MAML2: variants seen among roughly 807,000 people sequenced by gnomAD.
The protein encoded by MAML2 is mastermind like transcriptional coactivator 2, also known as mastermind-like protein 2.
A neutral mutation model predicts 96.1 loss-of-function variants in MAML2; 22 were observed. The ratio of observed to expected loss-of-function variants is 0.23; its 90% CI spans 0.16 to 0.33. The LOEUF (loss-of-function observed/expected upper bound fraction) is 0.33, where lower values mean the gene tolerates loss of function less well. Ranked by LOEUF, MAML2 falls within the 10% of genes least tolerant of loss-of-function variation. The pLI is 1.00. For synonymous variants in MAML2, 561 were observed against 521.3 expected (o/e 1.08, Z -1.04); for missense variants, 1,367 against 1,392.4 (o/e 0.98, Z 0.29).
Position 96,091,926 on chromosome 11 carries a change from C to T in MAML2, c.2105G>A (p.Gly702Glu). ...TTGTTGGGAGACTTGGTATCCCATT[C>T]CTGCAATGGGCTGATTCTGCATTTG... ...LQQMQNQPIA[G>E]MGYQVSQQQR... is the part of the protein sequence containing the mutation. The change falls in exon 2 of 5, where the codon GGA becomes GAA. Residue 702 changes from glycine to glutamate, a missense_variant. By Grantham distance (98) the Gly-to-Glu change is moderately conservative. Transcript: ENST00000524717. 6.2e-7 allele frequency: 1 copy of T among 1,613,302 alleles called. No homozygotes were observed.
chr11:96,297,593 CA>C (rs1591119995), intron 1 of MAML2, among the ~76,000 whole-genome samples: 1 of 151,826 alleles, frequency 6.6e-6, no homozygotes, highest in African/African-American at 2.4e-5. Flanking sequence ...AAAACAAAAA[CA>C]AAAAAACAGC....
At position 96,202,350 on chromosome 11, in the gene MAML2, CAA is replaced by C. The variant is rs3995542; in HGVS notation, c.514-108835_514-108834del. The stretch of plus-strand genomic sequence containing the variant: ...TGGGTGACAGAGCAAGACTCCATCT[CAA>C]AAAAAAAAAAAAAAAATTGATTATG... On this transcript the variant is annotated intron_variant, in intron 1 of 4. Transcript: ENST00000524717. Among the ~76,000 whole-genome samples, 89 of 107,512 alleles carry C rather than the reference CAA, an allele frequency of 8.3e-4. 1 individual carries two copies. Among genetic ancestry groups the C allele is most frequent in the Admixed American group, 2.8e-3 (27 of 9,610 alleles). 70.5% of individuals were successfully genotyped at this position (107,512 alleles called of 152,430 possible).
chr11:96,170,049 A>C (rs1336152858), intron 1 of MAML2, among the ~76,000 whole-genome samples: 2 of 152,204 alleles, frequency 1.3e-5, no homozygotes, highest in Non-Finnish European at 2.9e-5. Context: ...CCACAACAAA[A>C]ATGCCTTCTG....
At chr11:96,005,533 CA>C (rs1858166083) in intron 2 of MAML2, among the ~76,000 whole-genome samples, 1 of 152,060 alleles carries the variant, frequency 6.6e-6, no homozygotes, top group African/African-American at 2.4e-5. Context: ...TACAAACTAT[CA>C]ACAAGAGATG....
At chr11:96,309,903 A>T (rs1267059501) in intron 1 of MAML2, among the ~76,000 whole-genome samples, 1 of 151,848 alleles carries the variant, frequency 6.6e-6, no homozygotes, top group Non-Finnish European at 1.5e-5. Context: ...GGTTTTTGCC[A>T]TGTTGACTAG....
At chr11:96,127,062 C>T (rs1860451907) in intron 1 of MAML2, among the ~76,000 whole-genome samples, 1 of 152,132 alleles carries the variant, frequency 6.6e-6, no homozygotes, top group Non-Finnish European at 1.5e-5. Context: ...AAACCACACC[C>T]ACTGTTTCTT....
intron 1 of MAML2, among the ~76,000 whole-genome samples, chr11:96,219,710 C>T (rs1019566462): frequency 3.3e-5 from 5 of 152,150 alleles, no homozygotes; most frequent in Admixed American, 2.0e-4. Context: ...ACTGCAACTC[C>T]ACCCTCCTGG....
intron 1 of MAML2, among the ~76,000 whole-genome samples, chr11:96,159,182 G>A (rs989356066): frequency 6.6e-6 from 1 of 152,112 alleles, no homozygotes; most frequent in African/African-American, 2.4e-5. Context: ...TACTTAGATG[G>A]CACAGTCCCT....
At position 96,159,029 on chromosome 11, in the gene MAML2, T is replaced by C. The variant is rs192921139; in HGVS notation, c.514-65512A>G. 3.0e-3 allele frequency among the ~76,000 whole-genome samples: 454 copies of C among 152,260 alleles called. 9 individuals carry two copies. Among genetic ancestry groups the C allele is most frequent in the Admixed American group, 0.019 (291 of 15,296 alleles). On this transcript the variant is annotated intron_variant, in intron 1 of 4. Coordinates refer to ENST00000524717, the MANE Select transcript of MAML2 (RefSeq NM_032427.4). ...TCTTATGATACAGATTTGGAAAATA[T>C]AGATTTGCAAGGAATCCCTGAAGGG...
chr11:96,093,844 G>A (rs1211996438), intron 1 of MAML2, among the ~76,000 whole-genome samples: 1 of 152,184 alleles, frequency 6.6e-6, no homozygotes, highest in Non-Finnish European at 1.5e-5. Context: ...TAAGATTAAA[G>A]CATTGTTATT....
rs534621654 is a variant in MAML2 at position 96,138,625 on chromosome 11, G to T, written c.514-45108C>A. Among the ~76,000 whole-genome samples, 9 of 152,250 alleles carry T rather than the reference G, an allele frequency of 5.9e-5. No individual in the cohort carries two copies. In the South Asian group the frequency reaches 1.7e-3, roughly 28 times the overall value. ...CATTCAGAGAGGGTAAGAAAGATGGGGGGGTTGGTGAATAATGATTGCCGG... is the reference window on the plus strand; with the variant it reads ...CATTCAGAGAGGGTAAGAAAGATGGTGGGGTTGGTGAATAATGATTGCCGG... On this transcript the variant is annotated intron_variant, in intron 1 of 4. Coordinates refer to ENST00000524717, the MANE Select transcript of MAML2 (RefSeq NM_032427.4).
intron 2 of MAML2, among the ~76,000 whole-genome samples, chr11:95,999,828 G>A (rs1591084110): frequency 6.6e-6 from 1 of 152,106 alleles, no homozygotes; most frequent in East Asian, 1.9e-4. Context: ...TACCCAGCTG[G>A]GCAAGTCTGT....
At chr11:96,307,138 C>T (rs548698984) in intron 1 of MAML2, among the ~76,000 whole-genome samples, 1 of 152,312 alleles carries the variant, frequency 6.6e-6, no homozygotes, top group South Asian at 2.1e-4. Flanking sequence ...TTTCCCATGG[C>T]AACATCACAG....
chr11:96,101,506 C>A (rs1186516038), intron 1 of MAML2, among the ~76,000 whole-genome samples: 1 of 152,228 alleles, frequency 6.6e-6, no homozygotes, highest in African/African-American at 2.4e-5. Context: ...GCACAAGACT[C>A]AACTGCCAAT....
At chr11:96,056,005 T>C (rs1309251229) in intron 2 of MAML2, among the ~76,000 whole-genome samples, 1 of 152,212 alleles carries the variant, frequency 6.6e-6, no homozygotes, top group Non-Finnish European at 1.5e-5. Context: ...ATATTATTTG[T>C]CAGGGATCAA....
intron 1 of MAML2, among the ~76,000 whole-genome samples, chr11:96,095,541 G>C (rs980997923): frequency 6.6e-6 from 1 of 152,190 alleles, no homozygotes; most frequent in Admixed American, 6.5e-5. Context: ...TTAGGTGGCT[G>C]TATCTACAGA....
intron 2 of MAML2, among the ~76,000 whole-genome samples, chr11:96,022,302 C>T (rs1047876102): frequency 2.6e-5 from 4 of 152,196 alleles, no homozygotes; most frequent in African/African-American, 9.7e-5. Context: ...AGTGCCTGTC[C>T]TATAATCAGG....
In MAML2 at chr11:96,212,108, AGTGTGTGTGTGTGTGTGT is replaced by A. The variant is rs72133828; in HGVS notation, c.514-118609_514-118592del. The stretch of plus-strand genomic sequence containing the variant: ...AATTTAGGCTATAAAAGGAAGACAA[AGTGTGTGTGTGTGTGTGT>A]GTGTGTGTGTGTGTGTGTGTGTGTG... On this transcript the variant is annotated intron_variant, in intron 1 of 4. Coordinates refer to ENST00000524717, the MANE Select transcript of MAML2 (RefSeq NM_032427.4). 2.8e-3 allele frequency among the ~76,000 whole-genome samples: 382 copies of A among 134,240 alleles called. 2 individuals are homozygous for A. Among genetic ancestry groups the A allele is most frequent in the African/African-American group, 0.01 (352 of 35,136 alleles). 88.1% of individuals were successfully genotyped at this position (134,240 alleles called of 152,430 possible). A position where few individuals can be genotyped will look rare whatever the true frequency, so the allele number is the denominator to read the frequency against.
chr11:96,046,367 T>G (rs564888681), intron 2 of MAML2, among the ~76,000 whole-genome samples: 2 of 152,220 alleles, frequency 1.3e-5, no homozygotes, highest in East Asian at 3.9e-4. Flanking sequence ...TTTTTTCTTT[T>G]AAGAACTCAG....
Sources: gnomAD v4.1 joint callset for allele counts (sites outside exome capture counted in the v4.1 genomes callset) on GRCh38, gnomAD v4.1.1 for gene constraint, MANE v1.5 for transcripts, NCBI Gene and HGNC (gene_info 2026-07-23, HGNC 2026-07-21) for gene names.